CTNNA2: variants seen among roughly 807,000 people sequenced by gnomAD.
CTNNA2 encodes catenin alpha 2.
CTNNA2 carries 42 observed loss-of-function variants against 101.0 expected under a neutral mutation model. The ratio of observed to expected loss-of-function variants is 0.42; its 90% CI spans 0.32 to 0.54. CTNNA2 has a LOEUF of 0.54. Ranked by LOEUF, CTNNA2 falls within the 20% of genes least tolerant of loss-of-function variation. CTNNA2 has a pLI of 0.14. For missense variants in CTNNA2, 871 were observed against 1,223.1 expected (o/e 0.71, Z 4.29); for synonymous variants, 450 against 456.4 (o/e 0.99, Z 0.18).
intron 9 of CTNNA2, among the ~76,000 whole-genome samples, chr2:80,543,690 C>A (rs1213425552): frequency 6.6e-6 from 1 of 152,170 alleles, no homozygotes; most frequent in African/African-American, 2.4e-5. Context: ...GATCTCCAGG[C>A]CTGTACTCTT....
chr2:79,206,982 G>A, intron 2 of CTNNA2, among the ~76,000 whole-genome samples: 1 of 152,140 alleles, frequency 6.6e-6, no homozygotes, highest in East Asian at 1.9e-4. Flanking sequence ...GAGTGTAGGT[G>A]ACAGTATCAC....
intron 7 of CTNNA2, among the ~76,000 whole-genome samples, chr2:80,117,034 T>A (rs955198053): frequency 1.3e-5 from 2 of 151,928 alleles, no homozygotes; most frequent in African/African-American, 4.8e-5. Context: ...AGAAAGAAGA[T>A]TTAAAATTTT....
chr2:80,210,457 T>C (rs1186861920), intron 7 of CTNNA2, among the ~76,000 whole-genome samples: 1 of 152,036 alleles, frequency 6.6e-6, no homozygotes, highest in Non-Finnish European at 1.5e-5. Context: ...AGTGAGAACA[T>C]GCAGTGTTTG....
intron 9 of CTNNA2, among the ~76,000 whole-genome samples, chr2:80,518,348 C>T (rs1689263406): frequency 6.6e-6 from 1 of 152,128 alleles, no homozygotes; most frequent in Admixed American, 6.6e-5. Context: ...CTTCCTACAC[C>T]CACAGAAGCA....
intron 7 of CTNNA2, among the ~76,000 whole-genome samples, chr2:80,177,741 C>A (rs2083884): frequency 0.68 from 104,096 of 152,106 alleles, 36,465 homozygotes; most frequent in African/African-American, 0.84. Flanking sequence ...GACCACTCAG[C>A]GAGGTCCATC....
intron 1 of CTNNA2, among the ~76,000 whole-genome samples, chr2:79,573,355 C>A (rs193233229): frequency 3.9e-4 from 60 of 152,294 alleles, no homozygotes; most frequent in African/African-American, 1.4e-3. Flanking sequence ...TAGCCTCATA[C>A]CCAAATGCAA....
At chr2:80,620,376 A>G (rs1465826313) in intron 18 of CTNNA2, among the ~76,000 whole-genome samples, 1 of 151,828 alleles carries the variant, frequency 6.6e-6, no homozygotes, top group Non-Finnish European at 1.5e-5. Flanking sequence ...TTTGTTATGC[A>G]TAAATCCCTG....
chr2:80,052,455 A>G lies in CTNNA2; in HGVS notation c.1056+142658A>G, dbSNP rs983604946. On this transcript the variant is annotated intron_variant, in intron 7 of 18. Coordinates refer to ENST00000402739, the MANE Select transcript of CTNNA2 (RefSeq NM_001282597.3). ...TTGCATTCCTATATCAAATAAGGCA[A>G]CCCACATTTCACTCTGTGATTTGTT... is the stretch of plus-strand genomic sequence containing the variant. Among the ~76,000 whole-genome samples the G allele has an allele frequency of 3.3e-5, 5 of 152,202 alleles. No homozygotes were observed. The East Asian group carries it at 9.6e-4, about 29-fold the overall frequency.
At chr2:80,408,722 A>AATC (rs1233224638) in intron 8 of CTNNA2, among the ~76,000 whole-genome samples, 1 of 152,212 alleles carries the variant, frequency 6.6e-6, no homozygotes, top group Non-Finnish European at 1.5e-5. Flanking sequence ...GGGAGTAAGT[A>AATC]ATCGACTAGG....
intron 1 of CTNNA2, among the ~76,000 whole-genome samples, chr2:79,572,730 T>C (rs1042497719): frequency 1.3e-5 from 2 of 152,152 alleles, no homozygotes; most frequent in Admixed American, 1.3e-4. Context: ...CCAGCGTGGG[T>C]GACACACTAA....
At chr2:79,761,365 A>T (rs1672777443) in intron 3 of CTNNA2, among the ~76,000 whole-genome samples, 1 of 152,174 alleles carries the variant, frequency 6.6e-6, no homozygotes, top group South Asian at 2.1e-4. Context: ...TATTAAGCCA[A>T]TCTGGCCTTC....
chr2:80,396,044 C>G (rs768590842), intron 8 of CTNNA2, among the ~76,000 whole-genome samples: 13 of 152,110 alleles, frequency 8.5e-5, no homozygotes, highest in Non-Finnish European at 1.6e-4. Flanking sequence ...CAAAGTCAAT[C>G]ATGATCATTA....
chr2:79,288,621 G>A (rs1162181588), intron 2 of CTNNA2, among the ~76,000 whole-genome samples: 1 of 151,894 alleles, frequency 6.6e-6, no homozygotes, highest in Non-Finnish European at 1.5e-5. Context: ...CTCTCCACAT[G>A]GTCTTTCCAT....
intron 9 of CTNNA2, among the ~76,000 whole-genome samples, chr2:80,523,848 TGTG>T (rs1270731455): frequency 1.3e-5 from 2 of 152,172 alleles, no homozygotes; most frequent in African/African-American, 2.4e-5. Flanking sequence ...TTTACACTAA[TGTG>T]GTAAGATTTC....
chr2:80,635,994 A>G (rs905705715), intron 18 of CTNNA2, among the ~76,000 whole-genome samples: 2 of 101,506 alleles, frequency 2.0e-5, no homozygotes, highest in Non-Finnish European at 3.9e-5. Flanking sequence ...TTTTTTTGAT[A>G]TATATCTTCT....
At chr2:80,459,975 C>T (rs1377625540) in intron 9 of CTNNA2, among the ~76,000 whole-genome samples, 1 of 152,086 alleles carries the variant, frequency 6.6e-6, no homozygotes, top group South Asian at 2.1e-4. Context: ...GGCACTGAGA[C>T]TCAAAATAAT....
intron 4 of CTNNA2, among the ~76,000 whole-genome samples, chr2:79,473,695 GACAA>G (rs1671024550): frequency 1.3e-5 from 2 of 152,166 alleles, no homozygotes; most frequent in African/African-American, 4.8e-5. Flanking sequence ...GTCTTTTTCA[GACAA>G]ACAGGAATGA....
intron 11 of CTNNA2, among the ~76,000 whole-genome samples, chr2:80,554,919 G>A (rs933152764): frequency 6.6e-6 from 1 of 152,178 alleles, no homozygotes; most frequent in African/African-American, 2.4e-5. Context: ...AAAACTGCAA[G>A]GGAATAAATA....
At chr2:79,781,670 TAAAC>T (rs1013365257) in intron 3 of CTNNA2, among the ~76,000 whole-genome samples, 2 of 152,130 alleles carry the variant, frequency 1.3e-5, no homozygotes, top group African/African-American at 4.8e-5. Context: ...GAACTGGAAG[TAAAC>T]AAATAATAAA....
Sources: gnomAD v4.1 joint callset for allele counts (sites outside exome capture counted in the v4.1 genomes callset) on GRCh38, gnomAD v4.1.1 for gene constraint, MANE v1.5 for transcripts, NCBI Gene and HGNC (gene_info 2026-07-23, HGNC 2026-07-21) for gene names.